LRRC7: variants seen among roughly 807,000 people sequenced by gnomAD.
LRRC7 encodes leucine rich repeat containing 7.
A neutral mutation model predicts 175.7 loss-of-function variants in LRRC7; 23 were observed. The ratio of observed to expected loss-of-function variants is 0.13; its 90% CI spans 0.09 to 0.19. The LOEUF is 0.19. LRRC7 is among the 10% of genes least tolerant of loss of function. The probability of loss-of-function intolerance (pLI) is 1.00; values close to 1 mark genes in which losing one functional copy is unlikely to be tolerated. For synonymous variants in LRRC7, 685 were observed against 680.9 expected (o/e 1.01, Z -0.09); for missense variants, 1,354 against 1,904.7 (o/e 0.71, Z 5.38).
chr1:69,703,107 A>G (rs1317540351), intron 2 of LRRC7, among the ~76,000 whole-genome samples: 1 of 152,052 alleles, frequency 6.6e-6, no homozygotes, highest in Admixed American at 6.6e-5. Context: ...TGAAGAGAAA[A>G]CAGTAAAATT....
chr1:69,801,296 GTTC>G (rs1676454081), intron 4 of LRRC7, among the ~76,000 whole-genome samples: 1 of 151,734 alleles, frequency 6.6e-6, no homozygotes, highest in African/African-American at 2.4e-5. Flanking sequence ...ATTGGTACCA[GTTC>G]TTCTTTGTAG....
rs79197590 is a variant in LRRC7, at chr1:69,599,516, A to G, written c.2+30875A>G. Reference sequence around the variant, plus strand: ...TTAAAACTCATTATAAATAAAATCTATAATAAGATCTCTGATTATATATGC... The same window carrying G: ...TTAAAACTCATTATAAATAAAATCTGTAATAAGATCTCTGATTATATATGC... On this transcript the variant is annotated intron_variant, in intron 1 of 26. Transcript: ENST00000651989. Among the ~76,000 whole-genome samples, 1,157 of 152,342 alleles carry G rather than the reference A, an allele frequency of 7.6e-3. 17 individuals carry two copies. Among genetic ancestry groups the G allele is most frequent in the African/African-American group, 0.027 (1,114 of 41,578 alleles).
Position 69,935,594 on chromosome 1 carries a change from A to G in LRRC7, c.711+4024A>G, listed in dbSNP as rs192904070. Among the ~76,000 whole-genome samples, 191 of 152,142 alleles carry G rather than the reference A, an allele frequency of 1.3e-3. 4 individuals are homozygous for G. Among genetic ancestry groups the G allele is most frequent in the Non-Finnish European group, 1.0e-4 (7 of 67,968 alleles). On this transcript the variant is annotated intron_variant, in intron 8 of 26. Coordinates refer to ENST00000651989, the MANE Select transcript of LRRC7 (RefSeq NM_001370785.2). ...TTCTAATGAGATTGATGATTTTTTC[A>G]TATGTTTGTGGCAATTTGTGTTTCC...
intron 8 of LRRC7, among the ~76,000 whole-genome samples, chr1:69,967,627 G>T (rs1014458153): frequency 5.9e-5 from 9 of 152,120 alleles, no homozygotes; most frequent in Admixed American, 2.6e-4. Flanking sequence ...CACATTATAG[G>T]ACTCTGTACA....
intron 4 of LRRC7, among the ~76,000 whole-genome samples, chr1:69,801,843 C>T (rs1271283980): frequency 6.7e-6 from 1 of 149,586 alleles, no homozygotes; most frequent in African/African-American, 2.4e-5. Context: ...TTAATGTAAG[C>T]ATTTAATACT....
chr1:70,062,043 C>T (rs1252255069), intron 23 of LRRC7, among the ~76,000 whole-genome samples: 1 of 152,070 alleles, frequency 6.6e-6, no homozygotes, highest in East Asian at 1.9e-4. Flanking sequence ...GATTAGTGGT[C>T]ATTTACTGAC....
At chr1:69,946,880 C>G (rs552600287) in intron 8 of LRRC7, among the ~76,000 whole-genome samples, 2 of 152,024 alleles carry the variant, frequency 1.3e-5, no homozygotes, top group African/African-American at 4.8e-5. Flanking sequence ...GAGTTCAAGA[C>G]CAGCCTGGCC....
intron 2 of LRRC7, among the ~76,000 whole-genome samples, chr1:69,742,334 C>T (rs1464083795): frequency 6.6e-6 from 1 of 151,966 alleles, no homozygotes; most frequent in East Asian, 1.9e-4. Flanking sequence ...TAGTTATAAT[C>T]ATCCCGCTTT....
intron 7 of LRRC7, among the ~76,000 whole-genome samples, chr1:69,883,484 G>A (rs1485373455): frequency 9.8e-6 from 1 of 102,164 alleles, no homozygotes; most frequent in Non-Finnish European, 2.1e-5. Context: ...TTGTAAATTT[G>A]TTTGAGTTCA....
chr1:69,684,973 C>T (rs934527470), intron 2 of LRRC7, among the ~76,000 whole-genome samples: 3 of 152,232 alleles, frequency 2.0e-5, no homozygotes, highest in Non-Finnish European at 4.4e-5. Context: ...AGCCCTGTGT[C>T]TTCCTATCTT....
chr1:69,902,153 C>A (rs1287393008), intron 7 of LRRC7, among the ~76,000 whole-genome samples: 1 of 152,030 alleles, frequency 6.6e-6, no homozygotes, highest in Admixed American at 6.6e-5. Context: ...GTTGTGAGGA[C>A]CTGAAGGCAA....
chr1:69,617,421 T>C (rs903724043), intron 1 of LRRC7, among the ~76,000 whole-genome samples: 11 of 152,020 alleles, frequency 7.2e-5, no homozygotes, highest in Admixed American at 5.3e-4. Context: ...TCAACAGTTT[T>C]TGAGTCTCCA....
At chr1:69,877,070 G>A (rs1478657498) in intron 7 of LRRC7, among the ~76,000 whole-genome samples, 1 of 152,110 alleles carries the variant, frequency 6.6e-6, no homozygotes, top group African/African-American at 2.4e-5. Context: ...TGTTACAAGG[G>A]GTTGATATGT....
intron 2 of LRRC7, among the ~76,000 whole-genome samples, chr1:69,742,505 ATATT>A (rs1023808485): frequency 4.0e-5 from 6 of 151,730 alleles, no homozygotes; most frequent in Non-Finnish European, 7.4e-5. Flanking sequence ...TCATTAGAAG[ATATT>A]TATGTGTGTG....
intron 2 of LRRC7, among the ~76,000 whole-genome samples, chr1:69,706,466 G>A (rs990149319): frequency 1.3e-5 from 2 of 152,124 alleles, no homozygotes; most frequent in Admixed American, 1.3e-4. Flanking sequence ...ACTTTTTAGA[G>A]ACTAGATCAC....
intron 2 of LRRC7, among the ~76,000 whole-genome samples, chr1:69,754,956 C>T (rs1670244087): frequency 6.6e-6 from 1 of 151,904 alleles, no homozygotes; most frequent in South Asian, 2.1e-4. Context: ...AGAAGGGTAA[C>T]AGTCTAGGGG....
rs768123492 is a variant in LRRC7, at chr1:70,018,733, C to T, written c.1335C>T (p.Ile445=). 5.0e-6 allele frequency: 8 copies of T among 1,611,650 alleles called. No homozygotes were observed. Among genetic ancestry groups the T allele is most frequent in the Non-Finnish European group, 6.8e-6 (8 of 1,178,316 alleles). ...WLSDNQSKAL[I]PLQTEAHPET... ...TTTGCTTCTAGTCCAAAGCCCTTATCCCTTTACAAACAGAAGCCCATCCAG... is the reference window on the plus strand; with the variant it reads ...TTTGCTTCTAGTCCAAAGCCCTTATTCCTTTACAAACAGAAGCCCATCCAG... The change falls in exon 15 of 27, where the codon ATC becomes ATT. Residue 445 remains isoleucine (I), a synonymous_variant. Coordinates refer to ENST00000651989, the MANE Select transcript of LRRC7 (RefSeq NM_001370785.2).
chr1:69,598,332 C>T (rs1351725723), intron 1 of LRRC7, among the ~76,000 whole-genome samples: 1 of 151,970 alleles, frequency 6.6e-6, no homozygotes, highest in East Asian at 1.9e-4. Context: ...AGATCTTGGG[C>T]AAAATCAGTA....
intron 7 of LRRC7, among the ~76,000 whole-genome samples, chr1:69,884,746 G>T (rs1320889867): frequency 6.8e-6 from 1 of 146,876 alleles, no homozygotes; most frequent in Non-Finnish European, 1.5e-5. Context: ...GATATTGGCT[G>T]TGGGTTTGTC....
Sources: allele counts gnomAD v4.1 joint callset (sites outside exome capture counted in the v4.1 genomes callset), GRCh38; gene constraint gnomAD v4.1.1; transcripts MANE v1.5; gene names NCBI Gene and HGNC (gene_info 2026-07-23, HGNC 2026-07-21).